Variants in FAM184B observed in about 807,000 individuals in gnomAD.
FAM184B encodes protein FAM184B.
In FAM184B, 111 loss-of-function variants were observed where a neutral mutation model predicts 135.9. The observed-to-expected ratio is 0.82, with a 90% CI of 0.70 to 0.96. FAM184B has a LOEUF of 0.96. FAM184B is among the 40% of genes least tolerant of loss of function. The probability of loss-of-function intolerance (pLI) is 0.00; values close to 1 mark genes in which losing one functional copy is unlikely to be tolerated. For missense variants in FAM184B, 1,375 were observed against 1,323.9 expected (o/e 1.04, Z -0.60); for synonymous variants, 552 against 524.8 (o/e 1.05, Z -0.71).
intron 1 of FAM184B, among the ~76,000 whole-genome samples, chr4:17,777,852 C>A (rs1395569234): frequency 6.6e-6 from 1 of 152,140 alleles, no homozygotes; most frequent in Non-Finnish European, 1.5e-5. Flanking sequence ...AATCCCAGCA[C>A]TTTGGGAAGC....
intron 1 of FAM184B, among the ~76,000 whole-genome samples, chr4:17,745,391 C>T (rs1394508201): frequency 2.0e-5 from 3 of 152,184 alleles, no homozygotes; most frequent in Non-Finnish European, 4.4e-5. Flanking sequence ...TTGATTTCCC[C>T]CTGCCGCTTA....
Position 17,642,089 on chromosome 4 carries a change from T to C in FAM184B, c.2486A>G (p.Gln829Arg), listed in dbSNP as rs1192823170. The C allele has an allele frequency of 6.5e-7, 1 of 1,532,536 alleles. No homozygotes were observed. Among genetic ancestry groups the C allele is most frequent in the East Asian group, 2.5e-5 (1 of 40,582 alleles). 94.9% of individuals were successfully genotyped at this position (1,532,536 alleles called of 1,614,324 possible). A position where few individuals can be genotyped will look rare whatever the true frequency, so the allele number is the denominator to read the frequency against. ...GTCTCGGAGCTTCTGCGCCTCCTGC[T>C]GATGCTGCTCCACCTCCGCGCGCAG... ...RRLRAEVEQH[Q>R]QEAQKLRDQR... The change falls in exon 13 of 18, where the codon CAG becomes CGG. Residue 829 changes from glutamine to arginine, a missense_variant. Gln to Arg is a conservative substitution (Grantham distance 43). Coordinates refer to ENST00000265018, the MANE Select transcript of FAM184B (RefSeq NM_015688.2).
chr4:17,744,493 CACA>C (rs1464206747), intron 1 of FAM184B, among the ~76,000 whole-genome samples: 60 of 57,044 alleles, frequency 1.1e-3, no homozygotes, highest in South Asian at 2.9e-3. Context: ...ACACACACCA[CACA>C]CACACACACA....
chr4:17,764,822 T>C (rs1718622947), intron 1 of FAM184B, among the ~76,000 whole-genome samples: 1 of 152,146 alleles, frequency 6.6e-6, no homozygotes, highest in African/African-American at 2.4e-5. Flanking sequence ...CTCAGCGCTT[T>C]GGGAGGCCAA....
chr4:17,732,679 T>C lies in FAM184B; in HGVS notation c.142-23035A>G, dbSNP rs529377331. On this transcript the variant is annotated intron_variant, in intron 1 of 17. Transcript: ENST00000265018. ...AATAGACCAATAACAGTCTCTGAAA[T>C]TGTGGCAATAATCAATAGCTTACCA... Among the ~76,000 whole-genome samples the C allele has an allele frequency of 2.6e-5, 4 of 152,294 alleles. No individual in the cohort carries two copies. In the South Asian group the frequency reaches 8.3e-4, roughly 32 times the overall value.
chr4:17,765,010 G>A (rs1373029420), intron 1 of FAM184B, among the ~76,000 whole-genome samples: 1 of 152,136 alleles, frequency 6.6e-6, no homozygotes, highest in Non-Finnish European at 1.5e-5. Context: ...AGCCTGCAGT[G>A]AGCTATAATC....
intron 11 of FAM184B, among the ~76,000 whole-genome samples, chr4:17,652,382 CCA>C (rs1050287363): frequency 1.3e-5 from 2 of 152,160 alleles, no homozygotes; most frequent in African/African-American, 4.8e-5. Context: ...CCTCAGCCTC[CCA>C]AAGTGCTGGG....
At chr4:17,760,902 A>G (rs1055282572) in intron 1 of FAM184B, among the ~76,000 whole-genome samples, 2 of 152,186 alleles carry the variant, frequency 1.3e-5, no homozygotes, top group Admixed American at 1.3e-4. Flanking sequence ...CTTCAAAGTC[A>G]ATGTCAAAGG....
At chr4:17,679,164 C>T (rs1270161212) in intron 7 of FAM184B, among the ~76,000 whole-genome samples, 3 of 152,080 alleles carry the variant, frequency 2.0e-5, no homozygotes, top group East Asian at 3.8e-4. Flanking sequence ...GCAACAAAAA[C>T]AAAGATAAAT....
chr4:17,641,052 A>G (rs1300348265), intron 13 of FAM184B, among the ~76,000 whole-genome samples: 1 of 151,312 alleles, frequency 6.6e-6, no homozygotes, highest in African/African-American at 2.4e-5. Flanking sequence ...CCCCTCACCA[A>G]CCTCCCGAGT....
chr4:17,696,219 G>A (rs140951727), intron 5 of FAM184B, among the ~76,000 whole-genome samples: 127 of 152,294 alleles, frequency 8.3e-4, no homozygotes, highest in African/African-American at 2.9e-3. Flanking sequence ...GAGGTTAAAC[G>A]CCTTGCCCAG....
chr4:17,741,332 G>A (rs1037036677), intron 1 of FAM184B, among the ~76,000 whole-genome samples: 3 of 152,176 alleles, frequency 2.0e-5, no homozygotes, highest in African/African-American at 7.2e-5. Context: ...TGCGAGTGAA[G>A]ATTTGACAAA....
In FAM184B at chr4:17,636,532, A is replaced by G; in HGVS notation, c.2780T>C (p.Leu927Pro). 2 of 1,550,320 alleles carry G rather than the reference A, an allele frequency of 1.3e-6. No homozygotes were observed. Among genetic ancestry groups the G allele is most frequent in the Non-Finnish European group, 1.7e-6 (2 of 1,146,744 alleles). Residue 927 changes from leucine (L) to proline (P), a missense_variant, in exon 15 of 18, where the codon CTC becomes CCC. Leu to Pro is a moderately conservative substitution (Grantham distance 98). Coordinates refer to ENST00000265018, the MANE Select transcript of FAM184B (RefSeq NM_015688.2). ...LKEREDIIKQ[L>P]TEERRFHYAA... ...GGCGCCCCCTGACAGCCTCACCGTG[A>G]GCTGCTTGATGATGTCCTCTCTCTC...
At chr4:17,765,582 A>AGCTCTTTG (rs1397597938) in intron 1 of FAM184B, among the ~76,000 whole-genome samples, 2 of 152,338 alleles carry the variant, frequency 1.3e-5, no homozygotes, top group East Asian at 3.9e-4. Context: ...AAACAGTAGA[A>AGCTCTTTG]GCTCTTTGGC....
intron 7 of FAM184B, among the ~76,000 whole-genome samples, chr4:17,679,409 A>T (rs1479531458): frequency 6.6e-6 from 1 of 152,226 alleles, no homozygotes; most frequent in Admixed American, 6.5e-5. Flanking sequence ...GTAAACAAAC[A>T]TATGAAAAAA....
intron 1 of FAM184B, among the ~76,000 whole-genome samples, chr4:17,776,812 C>T (rs1718936932): frequency 6.6e-6 from 1 of 152,014 alleles, no homozygotes; most frequent in Non-Finnish European, 1.5e-5. Context: ...GGTGAGGAAA[C>T]TTCAAGAGGA....
At chr4:17,660,684 G>A (rs1715897093) in intron 8 of FAM184B, among the ~76,000 whole-genome samples, 1 of 151,934 alleles carries the variant, frequency 6.6e-6, no homozygotes, top group African/African-American at 2.4e-5. Flanking sequence ...GTCTTTAGAA[G>A]AGACCAGAGC....
chr4:17,653,929 A>AGAGGGAGGGAGGGGGGGG (rs1715711202), intron 10 of FAM184B, among the ~76,000 whole-genome samples: 1 of 72,228 alleles, frequency 1.4e-5, no homozygotes, highest in African/African-American at 5.4e-5. Context: ...AGGGAGGGGG[A>AGAGGGAGGGAGGGGGGGG]GGGGGATTTG....
intron 7 of FAM184B, among the ~76,000 whole-genome samples, chr4:17,685,351 C>G (rs1716554991): frequency 6.6e-6 from 1 of 151,458 alleles, no homozygotes; most frequent in African/African-American, 2.4e-5. Flanking sequence ...GAGTTCGAGA[C>G]TAGCCTGACC....
Sources: allele counts gnomAD v4.1 joint callset (sites outside exome capture counted in the v4.1 genomes callset), GRCh38; gene constraint gnomAD v4.1.1; transcripts MANE v1.5; gene names NCBI Gene and HGNC (gene_info 2026-07-23, HGNC 2026-07-21).